LRRC7: variants seen among roughly 807,000 people sequenced by gnomAD.
LRRC7 encodes leucine-rich repeat-containing protein 7.
In LRRC7, 23 loss-of-function variants were observed where a neutral mutation model predicts 175.7. The observed-to-expected ratio is 0.13, with a 90% CI of 0.09 to 0.19. The LOEUF (loss-of-function observed/expected upper bound fraction) is 0.19. LRRC7 is among the 10% of genes least tolerant of loss of function. The pLI is 1.00. For synonymous variants in LRRC7, 685 were observed against 680.9 expected, an observed-to-expected ratio of 1.01 and a Z score of -0.09; for missense variants, 1,354 against 1,904.7, an observed-to-expected ratio of 0.71 and a Z score of 5.38.
At chr1:69,898,662 A>ACTGCTGCTGCTGCTGCTGCTGCTGCTG (rs35234345) in intron 7 of LRRC7, among the ~76,000 whole-genome samples, 1 of 150,762 alleles carries the variant, frequency 6.6e-6, no homozygotes, top group African/African-American at 2.4e-5. Flanking sequence ...TGCTATCATC[A>ACTGCTGCTGCTGCTGCTGCTGCTGCTG]CTGCTGCTGC....
At chr1:70,087,038 GC>G (rs1192307556) in intron 24 of LRRC7, among the ~76,000 whole-genome samples, 1 of 152,162 alleles carries the variant, frequency 6.6e-6, no homozygotes, top group African/African-American at 2.4e-5. Flanking sequence ...ATGCCCAAGA[GC>G]AGTCTAGCCT....
intron 21 of LRRC7, among the ~76,000 whole-genome samples, chr1:70,040,825 A>T (rs1270263933): frequency 1.3e-5 from 2 of 152,192 alleles, no homozygotes; most frequent in African/African-American, 4.8e-5. Flanking sequence ...GGGAAAAAAA[A>T]AATAAATTGT....
rs1298721629 is a variant in LRRC7, at chr1:69,875,118, G to A, written c.647+36835G>A. 2.0e-5 allele frequency: 3 copies of A among 151,972 alleles called. No homozygotes were observed. The East Asian group carries it at 5.8e-4, about 29-fold the overall frequency. 9.4% of individuals were successfully genotyped at this position (151,972 alleles called of 1,614,324 possible). ...ATTCAGCTTTCCGAAATTTATTTTA[G>A]AGATTACTTAAAAAGAGATTGCTTA... On this transcript the variant is annotated intron_variant, in intron 7 of 26. Coordinates refer to ENST00000651989, the MANE Select transcript of LRRC7 (RefSeq NM_001370785.2).
chr1:69,857,253 A>G (rs1348289846), intron 7 of LRRC7, among the ~76,000 whole-genome samples: 2 of 152,088 alleles, frequency 1.3e-5, no homozygotes, highest in Non-Finnish European at 2.9e-5. Context: ...AGTGTTGGAA[A>G]TTCTGGCCAG....
In LRRC7 at chr1:70,141,485, T is replaced by C. The variant is rs1316330422; in HGVS notation, c.*19598T>C. On this transcript the variant is annotated 3_prime_UTR_variant, in exon 27 of 27. Transcript: ENST00000651989. ...AATCCTAAATCTCCTATGTCCTCAA[T>C]ATCTAGAAACAAGCAGGAACTGTTT... The C allele has an allele frequency of 6.6e-6, 1 of 152,052 alleles. No individual in the cohort carries two copies. Among genetic ancestry groups the C allele is most frequent in the Non-Finnish European group, 1.5e-5 (1 of 67,974 alleles). The allele number at this position is 152,052 out of a possible 1,614,324, so 9.4% of individuals were successfully genotyped here. A position where few individuals can be genotyped will look rare whatever the true frequency, so the allele number is the denominator to read the frequency against.
chr1:69,854,572 C>A (rs1056611000), intron 7 of LRRC7, among the ~76,000 whole-genome samples: 2 of 151,962 alleles, frequency 1.3e-5, no homozygotes, highest in African/African-American at 4.8e-5. Context: ...TATTTTTAAA[C>A]CAACTTACTG....
At chr1:69,608,169 T>C (rs966587634) in intron 1 of LRRC7, 1 of 152,436 alleles carries the variant, frequency 6.6e-6, no homozygotes, top group African/African-American at 2.4e-5. Context: ...AATATACAAG[T>C]GTCGGTGATT....
intron 1 of LRRC7, among the ~76,000 whole-genome samples, chr1:69,612,341 CTTTCTA>C (rs957229982): frequency 3.9e-5 from 6 of 151,938 alleles, no homozygotes; most frequent in African/African-American, 7.2e-5. Context: ...TTTTATATAA[CTTTCTA>C]TTTCATTTCG....
At chr1:69,672,365 G>A (rs1034034190) in intron 1 of LRRC7, among the ~76,000 whole-genome samples, 3 of 152,128 alleles carry the variant, frequency 2.0e-5, no homozygotes, top group Non-Finnish European at 4.4e-5. Flanking sequence ...CACAGATATT[G>A]AACATTTCCA....
chr1:69,897,313 G>A (rs2101657933), intron 7 of LRRC7, among the ~76,000 whole-genome samples: 1 of 152,104 alleles, frequency 6.6e-6, no homozygotes, highest in Non-Finnish European at 1.5e-5. Flanking sequence ...ACTTCCTTTA[G>A]AACTTCAATA....
intron 3 of LRRC7, among the ~76,000 whole-genome samples, chr1:69,781,573 T>C (rs1423231235): frequency 6.7e-6 from 1 of 150,292 alleles, no homozygotes; most frequent in African/African-American, 2.5e-5. Context: ...TCCCAGCTAC[T>C]TGGCAGGCTG....
intron 3 of LRRC7, among the ~76,000 whole-genome samples, chr1:69,791,410 G>A (rs964898682): frequency 6.6e-6 from 1 of 152,010 alleles, no homozygotes; most frequent in African/African-American, 2.4e-5. Flanking sequence ...GGATTTCACA[G>A]CTATTACTTT....
intron 2 of LRRC7, among the ~76,000 whole-genome samples, chr1:69,754,531 A>G (rs1473897673): frequency 6.6e-6 from 1 of 152,034 alleles, no homozygotes; most frequent in East Asian, 1.9e-4. Context: ...TTTGGGTAGA[A>G]CAGTAATTGC....
chr1:70,010,176 T>G lies in LRRC7; in HGVS notation c.1005-1621T>G, dbSNP rs148372076. Among the ~76,000 whole-genome samples the G allele has an allele frequency of 5.2e-4, 79 of 152,292 alleles. No individual in the cohort carries two copies. In the East Asian group the frequency reaches 5.6e-3, roughly 11 times the overall value. On this transcript the variant is annotated intron_variant, in intron 11 of 26. Coordinates refer to ENST00000651989, the MANE Select transcript of LRRC7 (RefSeq NM_001370785.2). Reference sequence around the variant, plus strand: ...GTAAGTTACAAAGCTGGGACACAAATCCATTCTGACTTCAACCCATATGCT... The same window carrying G: ...GTAAGTTACAAAGCTGGGACACAAAGCCATTCTGACTTCAACCCATATGCT...
chr1:69,622,799 A>C (rs762007169), intron 1 of LRRC7, among the ~76,000 whole-genome samples: 47 of 152,330 alleles, frequency 3.1e-4, no homozygotes, highest in Non-Finnish European at 5.9e-4. Flanking sequence ...AGCAGAAACC[A>C]TGCTATTATT....
chr1:70,040,360 T>C (rs1659766360), intron 21 of LRRC7, among the ~76,000 whole-genome samples: 1 of 152,176 alleles, frequency 6.6e-6, no homozygotes, highest in Admixed American at 6.5e-5. Context: ...TTTTATTTAA[T>C]AAAAAGCCTG....
chr1:69,843,594 T>C (rs1681986236), intron 7 of LRRC7, among the ~76,000 whole-genome samples: 1 of 152,092 alleles, frequency 6.6e-6, no homozygotes, highest in African/African-American at 2.4e-5. Flanking sequence ...TTAAGTGATT[T>C]TGCCCCTGAA....
At chr1:70,023,820 G>T (rs1657782371) in intron 17 of LRRC7, among the ~76,000 whole-genome samples, 1 of 152,038 alleles carries the variant, frequency 6.6e-6, no homozygotes, top group Non-Finnish European at 1.5e-5. Flanking sequence ...ATTGAGATTT[G>T]CTGAGAGTGG....
chr1:69,939,035 A>ATATC (rs1553178499), intron 8 of LRRC7, among the ~76,000 whole-genome samples: 36 of 97,624 alleles, frequency 3.7e-4, no homozygotes, highest in African/African-American at 1.1e-3. Context: ...ATATATCTAT[A>ATATC]TATATCTATA....
Sources: gnomAD v4.1 joint callset for allele counts (sites outside exome capture counted in the v4.1 genomes callset) on GRCh38, gnomAD v4.1.1 for gene constraint, MANE v1.5 for transcripts, NCBI Gene and HGNC (gene_info 2026-07-23, HGNC 2026-07-21) for gene names.